Variants in SUFU observed in about 807,000 individuals in gnomAD.
The protein encoded by SUFU is SUFU negative regulator of hedgehog signaling, also known as suppressor of fused homolog.
SUFU carries 7 observed loss-of-function variants against 58.9 expected under a neutral mutation model. That is an observed-to-expected ratio of 0.12 (90% CI 0.07 to 0.22). SUFU has a LOEUF of 0.22. Among genes scored for constraint, SUFU ranks in the 10% least tolerant of loss-of-function variants. SUFU has a pLI of 1.00. For synonymous variants in SUFU, 232 were observed against 254.8 expected (o/e 0.91, Z 0.85); for missense variants, 451 against 641.3 (o/e 0.70, Z 3.20).
At chr10:102,622,518 G>A (rs528089729) in intron 10 of SUFU, among the ~76,000 whole-genome samples, 4 of 152,258 alleles carry the variant, frequency 2.6e-5, no homozygotes, top group South Asian at 2.1e-4. Flanking sequence ...CGAGGCGGGC[G>A]GATCATGAGG....
intron 2 of SUFU, among the ~76,000 whole-genome samples, chr10:102,543,525 T>G (rs1354299517): frequency 1.3e-5 from 2 of 152,232 alleles, no homozygotes; most frequent in Non-Finnish European, 2.9e-5. Flanking sequence ...AATCTAATTT[T>G]AGAACTTTTT....
At chr10:102,517,463 G>T (rs574737784) in intron 2 of SUFU, among the ~76,000 whole-genome samples, 1 of 152,108 alleles carries the variant, frequency 6.6e-6, no homozygotes. Flanking sequence ...TCTCAGTCCC[G>T]GGATTTTTCC....
intron 2 of SUFU, among the ~76,000 whole-genome samples, chr10:102,547,878 T>C (rs1214438726): frequency 6.6e-6 from 1 of 151,504 alleles, no homozygotes; most frequent in Non-Finnish European, 1.5e-5. Flanking sequence ...AGGCTGGGCA[T>C]GGTGGCTCAT....
rs543919911 is a variant in SUFU, at chr10:102,526,319, A to G, written c.317+17016A>G. Among the ~76,000 whole-genome samples, 5 of 152,134 alleles carry G rather than the reference A, an allele frequency of 3.3e-5. 1 individual carries two copies. In the East Asian group the frequency reaches 5.8e-4, roughly 18 times the overall value. On this transcript the variant is annotated intron_variant, in intron 2 of 11. Transcript: ENST00000369902. ...TCTAATCCCAGCACTTTGGGAGGCC[A>G]CGGGGGGGTGGATCACTTGAGCCAG...
At chr10:102,526,320 C>CGG (rs540158887) in intron 2 of SUFU, among the ~76,000 whole-genome samples, 6 of 151,534 alleles carry the variant, frequency 4.0e-5, no homozygotes, top group African/African-American at 9.7e-5. Flanking sequence ...TGGGAGGCCA[C>CGG]GGGGGGGTGG....
At chr10:102,533,001 C>T (rs1385267811) in intron 2 of SUFU, among the ~76,000 whole-genome samples, 4 of 152,030 alleles carry the variant, frequency 2.6e-5, no homozygotes. Flanking sequence ...AGAAGGCTAA[C>T]GCATGGTGTG....
chr10:102,533,307 C>T (rs966439364), intron 2 of SUFU, among the ~76,000 whole-genome samples: 10 of 151,898 alleles, frequency 6.6e-5, no homozygotes, highest in Middle Eastern at 3.4e-3. Context: ...TGCGGTGGCT[C>T]ACACCTGTAA....
intron 3 of SUFU, among the ~76,000 whole-genome samples, chr10:102,569,653 T>C (rs2063141243): frequency 6.6e-6 from 1 of 152,138 alleles, no homozygotes; most frequent in African/African-American, 2.4e-5. Context: ...ATCTGATTGG[T>C]AGGGAAACTT....
intron 3 of SUFU, among the ~76,000 whole-genome samples, chr10:102,587,612 C>T (rs1317498187): frequency 1.3e-5 from 2 of 152,138 alleles, no homozygotes; most frequent in Non-Finnish European, 2.9e-5. Flanking sequence ...CTGCCATAGC[C>T]TCCCGAGTAG....
chr10:102,531,264 A>G (rs2062675152), intron 2 of SUFU, among the ~76,000 whole-genome samples: 1 of 152,148 alleles, frequency 6.6e-6, no homozygotes, highest in South Asian at 2.1e-4. Flanking sequence ...CTAAAAGAAT[A>G]AAAAATAAAA....
intron 3 of SUFU, among the ~76,000 whole-genome samples, chr10:102,586,421 C>A (rs983560711): frequency 6.6e-6 from 1 of 151,942 alleles, no homozygotes; most frequent in Non-Finnish European, 1.5e-5. Flanking sequence ...CGCCTGTAAT[C>A]CCAGCACTTT....
chr10:102,521,864 G>T (rs916262830), intron 2 of SUFU, among the ~76,000 whole-genome samples: 5 of 152,086 alleles, frequency 3.3e-5, no homozygotes, highest in African/African-American at 1.2e-4. Flanking sequence ...AAAAACAGTT[G>T]AACCATTTTA....
At chr10:102,507,034 C>G (rs559774733) in intron 1 of SUFU, among the ~76,000 whole-genome samples, 1 of 152,330 alleles carries the variant, frequency 6.6e-6, no homozygotes, top group South Asian at 2.1e-4. Context: ...GCCCTGGGAC[C>G]TTGGATAACA....
Position 102,625,818 on chromosome 10 carries a change from C to T in SUFU, c.1297-1357C>T, listed in dbSNP as rs532694558. Among the ~76,000 whole-genome samples the T allele has an allele frequency of 3.3e-5, 5 of 152,318 alleles. No individual in the cohort carries two copies. Among genetic ancestry groups the T allele is most frequent in the East Asian group, 1.9e-4 (1 of 5,182 alleles). On this transcript the variant is annotated intron_variant, in intron 10 of 11. Transcript: ENST00000369902. This position sits in a 1 kb window ranked among gnomAD's most constrained non-coding sequence, Gnocchi z 4.7. ...GTCCACTTCTTGCTTTAGAGACCTCCGTCCTGTGAGCTCCCGAGCCGTCCT... is the reference window on the plus strand; with the variant it reads ...GTCCACTTCTTGCTTTAGAGACCTCTGTCCTGTGAGCTCCCGAGCCGTCCT...
chr10:102,516,019 T>A (rs2062464248), intron 2 of SUFU, among the ~76,000 whole-genome samples: 2 of 152,158 alleles, frequency 1.3e-5, no homozygotes, highest in Non-Finnish European at 2.9e-5. Flanking sequence ...GAGCCCTTCC[T>A]GAGGCCAAAG....
chr10:102,521,530 T>C (rs2062551527), intron 2 of SUFU, among the ~76,000 whole-genome samples: 2 of 152,214 alleles, frequency 1.3e-5, no homozygotes, highest in Non-Finnish European at 2.9e-5. Flanking sequence ...TATTCTCCAA[T>C]GATGGTGTCT....
chr10:102,519,158 A>G (rs2062514560), intron 2 of SUFU, among the ~76,000 whole-genome samples: 2 of 138,270 alleles, frequency 1.4e-5, no homozygotes, highest in Admixed American at 1.4e-4. Context: ...AAAAAAAAGA[A>G]AGAGTCCTTC....
At chr10:102,610,012 T>G (rs1232056982) in intron 8 of SUFU, among the ~76,000 whole-genome samples, 1 of 152,170 alleles carries the variant, frequency 6.6e-6, no homozygotes, top group Non-Finnish European at 1.5e-5. Flanking sequence ...CCTCATTGCC[T>G]TTTTATTTAT....
chr10:102,510,990 A>T (rs367593534), intron 2 of SUFU, among the ~76,000 whole-genome samples: 44 of 151,664 alleles, frequency 2.9e-4, no homozygotes, highest in South Asian at 1.5e-3. Flanking sequence ...GCGTGGTGGC[A>T]CATGCCTGTA....
Sources: gnomAD v4.1 joint callset for allele counts (sites outside exome capture counted in the v4.1 genomes callset) on GRCh38, gnomAD v4.1.1 for gene constraint, Gnocchi (gnomAD v3.1) non-coding constraint, MANE v1.5 for transcripts, NCBI Gene and HGNC (gene_info 2026-07-23, HGNC 2026-07-21) for gene names.